The following RAB2A variants were observed in gnomAD, a reference collection of about 807,000 sequenced individuals.
RAB2A encodes the protein ras-related protein Rab-2A.
Under a neutral mutation model 32.5 loss-of-function variants are expected in RAB2A, and 7 were observed. The observed-to-expected ratio is 0.22, with a 90% CI of 0.12 to 0.40. The LOEUF (loss-of-function observed/expected upper bound fraction) is 0.40. Among genes scored for constraint, RAB2A ranks in the 10% least tolerant of loss-of-function variants. The probability of loss-of-function intolerance (pLI) is 1.00; values close to 1 mark genes in which losing one functional copy is unlikely to be tolerated. For missense variants in RAB2A, 108 were observed against 260.7 expected (o/e 0.41, Z 4.03); for synonymous variants, 79 against 85.2 (o/e 0.93, Z 0.40).
chr8:60,566,155 T>A (rs1370276414), intron 2 of RAB2A, among the ~76,000 whole-genome samples: 3 of 152,216 alleles, frequency 2.0e-5, no homozygotes, highest in East Asian at 3.8e-4. Context: ...ATGTTTGGTG[T>A]GTGTTAGTGC....
intron 1 of RAB2A, 188 bp from the exon 2 acceptor site, chr8:60,558,664 G>T: frequency 1.6e-6 from 1 of 627,906 alleles, no homozygotes; most frequent in Admixed American, 2.6e-5. Context: ...ATGTACTTTA[G>T]ATTGGTTTAC....
intron 6 of RAB2A, 56 bp from the exon 7 acceptor site, chr8:60,618,509 TATAGAGCATATATAA>T: frequency 1.3e-6 from 1 of 752,812 alleles, no homozygotes; most frequent in South Asian, 2.5e-5. Flanking sequence ...TATGATATTC[TATAGAGCATATATAA>T]TGTTATTTTA....
At chr8:60,602,387 C>A (rs1232803498) in intron 6 of RAB2A, among the ~76,000 whole-genome samples, 1 of 152,150 alleles carries the variant, frequency 6.6e-6, no homozygotes, top group South Asian at 2.1e-4. Context: ...TCATATATAA[C>A]TTAACAGCAA....
intron 1 of RAB2A, among the ~76,000 whole-genome samples, chr8:60,539,884 CCTT>C (rs1165346570): frequency 2.6e-5 from 4 of 151,896 alleles, no homozygotes; most frequent in Admixed American, 6.6e-5. Flanking sequence ...CTTGTACTGT[CCTT>C]GATATGAACG....
chr8:60,547,451 C>G (rs969186285), intron 1 of RAB2A, among the ~76,000 whole-genome samples: 3 of 151,964 alleles, frequency 2.0e-5, no homozygotes, highest in African/African-American at 7.2e-5. Context: ...CAGAGGGGCT[C>G]CTCACTTCCC....
At chr8:60,563,616 C>T (rs923824080) in intron 2 of RAB2A, among the ~76,000 whole-genome samples, 1 of 152,158 alleles carries the variant, frequency 6.6e-6, no homozygotes, top group African/African-American at 2.4e-5. Flanking sequence ...GCTTCAGCTA[C>T]TCCCTCCCAT....
chr8:60,531,209 C>T (rs1563459970), intron 1 of RAB2A, among the ~76,000 whole-genome samples: 1 of 152,170 alleles, frequency 6.6e-6, no homozygotes, highest in African/African-American at 2.4e-5. Flanking sequence ...ATGGATGACC[C>T]TTTTGCATTT....
chr8:60,521,719 C>T (rs1329847161), intron 1 of RAB2A, among the ~76,000 whole-genome samples: 1 of 152,182 alleles, frequency 6.6e-6, no homozygotes, highest in Non-Finnish European at 1.5e-5. Flanking sequence ...CTCTTAGGTT[C>T]AAGCGATTCT....
chr8:60,568,769 G>A (rs1163007328), intron 2 of RAB2A, among the ~76,000 whole-genome samples: 2 of 152,146 alleles, frequency 1.3e-5, no homozygotes, highest in East Asian at 3.8e-4. Context: ...AGGTAAATGA[G>A]GTCTTGACTT....
chr8:60,586,861 C>T (rs954053589), intron 5 of RAB2A, among the ~76,000 whole-genome samples: 1 of 149,330 alleles, frequency 6.7e-6, no homozygotes, highest in Non-Finnish European at 1.5e-5. Context: ...TCCAGGAGCT[C>T]AAGGTTGCAG....
intron 6 of RAB2A, among the ~76,000 whole-genome samples, chr8:60,592,719 T>G (rs1008896501): frequency 1.3e-5 from 2 of 152,178 alleles, no homozygotes; most frequent in South Asian, 2.1e-4. Context: ...TTATGCTCTA[T>G]GTGTTTGTGT....
intron 3 of RAB2A, among the ~76,000 whole-genome samples, chr8:60,574,584 C>G (rs1045834386): frequency 1.3e-5 from 2 of 152,122 alleles, no homozygotes; most frequent in Non-Finnish European, 2.9e-5. Context: ...TTCACTTGTT[C>G]TTCTATTCTT....
chr8:60,602,103 C>T (rs1563483784), intron 6 of RAB2A, among the ~76,000 whole-genome samples: 1 of 151,820 alleles, frequency 6.6e-6, no homozygotes, highest in African/African-American at 2.4e-5. Context: ...GTCTCAGACT[C>T]CTGGGTTCAA....
At position 60,620,893 on chromosome 8, in the gene RAB2A, C is replaced by A; in HGVS notation, c.*124C>A. ...CTTTATGTCACAGAAGACTTTAATCCGTCAAATTCTTGTATAACTTTGAAT... is the reference window on the plus strand; with the variant it reads ...CTTTATGTCACAGAAGACTTTAATCAGTCAAATTCTTGTATAACTTTGAAT... On this transcript the variant is annotated 3_prime_UTR_variant, in exon 8 of 8. Coordinates refer to ENST00000262646, the MANE Select transcript of RAB2A (RefSeq NM_002865.3). 4 of 714,764 alleles carry A rather than the reference C, an allele frequency of 5.6e-6. No homozygotes were observed. The highest frequency in any genetic ancestry group is 3.0e-5 in the East Asian group (1 of 33,226). The allele number at this position is 714,764 out of a possible 1,614,324, so 44.3% of individuals were successfully genotyped here. A position where few individuals can be genotyped will look rare whatever the true frequency, so the allele number is the denominator to read the frequency against.
chr8:60,567,700 T>C (rs1808136018), intron 2 of RAB2A, among the ~76,000 whole-genome samples: 1 of 136,912 alleles, frequency 7.3e-6, no homozygotes, highest in Non-Finnish European at 1.5e-5. Flanking sequence ...GTTTTGTTCA[T>C]ATAGGCCTTA....
chr8:60,554,227 TAGTG>T (rs768586197), intron 1 of RAB2A, among the ~76,000 whole-genome samples: 28 of 152,302 alleles, frequency 1.8e-4, no homozygotes, highest in African/African-American at 6.3e-4. Flanking sequence ...ATCTGGTTCT[TAGTG>T]AGAACCAGAA....
At position 60,606,376 on chromosome 8, in the gene RAB2A, A is replaced by G. The variant is rs546367521; in HGVS notation, c.475-12204A>G. 2.7e-3 allele frequency among the ~76,000 whole-genome samples: 416 copies of G among 152,290 alleles called. 3 individuals are homozygous for G. Among genetic ancestry groups the G allele is most frequent in the Non-Finnish European group, 3.3e-3 (224 of 68,016 alleles). On this transcript the variant is annotated intron_variant, in intron 6 of 7. Transcript: ENST00000262646. ...TGAATCCTACAGTGAATACTCTTAA[A>G]TATTTTAGTATCTGTCCAGATGATA...
intron 3 of RAB2A, among the ~76,000 whole-genome samples, chr8:60,573,804 A>C (rs967219431): frequency 1.3e-4 from 20 of 152,180 alleles, no homozygotes; most frequent in African/African-American, 4.8e-4. Flanking sequence ...TGTTTTGGAG[A>C]CAGGGTCTCA....
intron 3 of RAB2A, among the ~76,000 whole-genome samples, chr8:60,579,231 C>T (rs1385233470): frequency 3.9e-5 from 6 of 152,026 alleles, no homozygotes; most frequent in African/African-American, 9.7e-5. Flanking sequence ...TTTGTAGAGA[C>T]GGGGTTTCAC....
Sources: gnomAD v4.1 joint callset for allele counts (sites outside exome capture counted in the v4.1 genomes callset) on GRCh38, gnomAD v4.1.1 for gene constraint, MANE v1.5 for transcripts, NCBI Gene and HGNC (gene_info 2026-07-23, HGNC 2026-07-21) for gene names.